ARK2C: variants seen among roughly 807,000 people sequenced by gnomAD.
The protein encoded by ARK2C is arkadia (RNF111) C-terminal like ring finger ubiquitin ligase 2C.
the ARK2C span, among the ~76,000 whole-genome samples, chr18:46,399,895 T>A: frequency 6.6e-6 from 1 of 152,208 alleles, no homozygotes; most frequent in Non-Finnish European, 1.5e-5. Flanking sequence ...ACAACCCACA[T>A]GGCAGGTGGC....
chr18:46,422,169 A>G, the ARK2C span, among the ~76,000 whole-genome samples: 1 of 152,170 alleles, frequency 6.6e-6, no homozygotes, highest in South Asian at 2.1e-4. Context: ...CGTTTTCTTC[A>G]TCTCTGATTT....
the ARK2C span, among the ~76,000 whole-genome samples, chr18:46,453,261 T>C: frequency 6.6e-6 from 1 of 152,020 alleles, no homozygotes; most frequent in African/African-American, 2.4e-5. Context: ...CAGGGGAAAA[T>C]GATCATTCTC....
chr18:46,334,562 C>G, the ARK2C span: 1 of 492,308 alleles, frequency 2.0e-6, no homozygotes, highest in South Asian at 3.2e-5. This position sits in a 1 kb window ranked among gnomAD's most constrained non-coding sequence, Gnocchi z 4.4. Flanking sequence ...TGGGTCCCTT[C>G]CTCCCCAGCC....
chr18:46,430,416 C>A, the ARK2C span, among the ~76,000 whole-genome samples: 7,551 of 152,280 alleles, frequency 0.05, 272 homozygotes, highest in Non-Finnish European at 0.071. Flanking sequence ...TGTTTGGACA[C>A]TTCACAGGGA....
the ARK2C span, among the ~76,000 whole-genome samples, chr18:46,438,753 A>G: frequency 6.6e-6 from 1 of 152,330 alleles, no homozygotes; most frequent in South Asian, 2.1e-4. Context: ...ACTGGCTCCA[A>G]GAGTTTAGTT....
At chr18:46,361,354 A>T in the ARK2C span, among the ~76,000 whole-genome samples, 21 of 152,312 alleles carry the variant, frequency 1.4e-4, no homozygotes, top group South Asian at 4.1e-3. Context: ...TTATAATGAT[A>T]TAGAAATCAT....
At chr18:46,456,113 T>A in the ARK2C span, 1 of 1,309,346 alleles carries the variant, frequency 7.6e-7, no homozygotes, top group Non-Finnish European at 1.1e-6. Context: ...CCCTCTCCCC[T>A]CTCTTATAGG....
the ARK2C span, among the ~76,000 whole-genome samples, chr18:46,363,705 G>A: frequency 5.3e-4 from 81 of 152,290 alleles, 1 homozygote; most frequent in Non-Finnish European, 8.7e-4. Context: ...GATTCTCACC[G>A]TTATAATGAG....
chr18:46,334,947 T>G, the ARK2C span: 1 of 153,430 alleles, frequency 6.5e-6, no homozygotes, highest in African/African-American at 2.4e-5. This position sits in a 1 kb window ranked among gnomAD's most constrained non-coding sequence, Gnocchi z 4.4. Flanking sequence ...TCTTTAACCC[T>G]TTTTGTGCAT....
At chr18:46,433,335 C>A in the ARK2C span, 2 of 1,612,602 alleles carry the variant, frequency 1.2e-6, no homozygotes, top group East Asian at 4.5e-5. Context: ...CCCACATGGC[C>A]CCGGCCCACC....
chr18:46,411,498 C>A, the ARK2C span, among the ~76,000 whole-genome samples: 1 of 152,202 alleles, frequency 6.6e-6, no homozygotes, highest in Non-Finnish European at 1.5e-5. Context: ...CCTTTGCTAT[C>A]GATTGATTCA....
the ARK2C span, among the ~76,000 whole-genome samples, chr18:46,356,183 T>G: frequency 6.6e-6 from 1 of 152,216 alleles, no homozygotes; most frequent in East Asian, 1.9e-4. Flanking sequence ...TATTGTCCAT[T>G]TATTCATTCA....
chr18:46,366,969 G>A, the ARK2C span, among the ~76,000 whole-genome samples: 14 of 152,154 alleles, frequency 9.2e-5, no homozygotes, highest in Non-Finnish European at 1.9e-4. Flanking sequence ...CAGTCATCCC[G>A]TTGGACTTCT....
chr18:46,451,796 C>T, the ARK2C span, among the ~76,000 whole-genome samples: 3 of 152,074 alleles, frequency 2.0e-5, no homozygotes, highest in South Asian at 2.1e-4. Flanking sequence ...CAGAGCAAGA[C>T]CCTGTATCAA....
chr18:46,447,550 T>C, the ARK2C span: 22 of 1,614,022 alleles, frequency 1.4e-5, no homozygotes, highest in South Asian at 2.2e-5. Flanking sequence ...TCACTGAGGC[T>C]GTTTCCCTGC....
the ARK2C span, among the ~76,000 whole-genome samples, chr18:46,444,572 C>A: frequency 6.6e-6 from 1 of 152,084 alleles, no homozygotes; most frequent in Admixed American, 6.6e-5. Context: ...TCAAGTGATC[C>A]TTCAACCTCA....
chr18:46,334,231 G>T, the ARK2C span: 55 of 1,375,264 alleles, frequency 4.0e-5, no homozygotes, highest in African/African-American at 7.0e-4. This position sits in a 1 kb window ranked among gnomAD's most constrained non-coding sequence, Gnocchi z 4.4. Context: ...GCCACAAAGG[G>T]CCCGCGCGCA....
the ARK2C span, among the ~76,000 whole-genome samples, chr18:46,400,416 T>C: frequency 6.6e-6 from 1 of 152,230 alleles, no homozygotes; most frequent in Admixed American, 6.5e-5. Context: ...GTCTCCCTTC[T>C]GGCTGTTGGG....
the ARK2C span, among the ~76,000 whole-genome samples, chr18:46,403,887 A>G: frequency 1.3e-5 from 2 of 152,084 alleles, no homozygotes; most frequent in African/African-American, 4.8e-5. Context: ...AAAAAACAAA[A>G]CAAAACAAAA....
Sources: gnomAD v4.1 joint callset for allele counts (sites outside exome capture counted in the v4.1 genomes callset) on GRCh38, gnomAD v4.1.1 for gene constraint, Gnocchi (gnomAD v3.1) non-coding constraint, MANE v1.5 for transcripts, NCBI Gene and HGNC (gene_info 2026-07-23, HGNC 2026-07-21) for gene names.